PLSCR3: variants seen among roughly 807,000 people sequenced by gnomAD.
PLSCR3 encodes phospholipid scramblase 3.
PLSCR3 carries 17 observed loss-of-function variants against 33.7 expected under a neutral mutation model. The observed-to-expected ratio is 0.50, with a 90% CI of 0.35 to 0.76. The LOEUF is 0.76. Ranked by LOEUF, PLSCR3 falls within the 30% of genes least tolerant of loss-of-function variation. The probability of loss-of-function intolerance (pLI) is 0.01; values close to 1 mark genes in which losing one functional copy is unlikely to be tolerated. For synonymous variants in PLSCR3, 166 were observed against 166.0 expected (o/e 1.00, Z 0.00); for missense variants, 360 against 394.1 (o/e 0.91, Z 0.73).
chr17:7,390,675 C>T lies in PLSCR3; in HGVS notation c.790G>A (p.Val264Met). 1 of 1,614,178 alleles carries T rather than the reference C, an allele frequency of 6.2e-7. No homozygotes were observed. The highest frequency in any genetic ancestry group is 8.5e-7 in the Non-Finnish European group (1 of 1,179,996). The change falls in exon 7 of 8, where the codon GTG becomes ATG. Residue 264 changes from valine (V) to methionine (M), a missense_variant. Coordinates refer to ENST00000619711, the MANE Select transcript of PLSCR3 (RefSeq NM_020360.4). ...FGLQFPLDLD[V>M]RVKAVLLGAT... ...CCCAGCAGCACAGCCTTCACCCTCACATCCAGGTCCAGCGGGAACTGTAGG... is the reference window on the plus strand; with the variant it reads ...CCCAGCAGCACAGCCTTCACCCTCATATCCAGGTCCAGCGGGAACTGTAGG...
At chr17:7,393,558 C>G (rs1226838192) in intron 3 of PLSCR3, 43 bp downstream of exon 3, 3 of 1,613,554 alleles carry the variant, frequency 1.9e-6, no homozygotes, top group Admixed American at 1.7e-5. Flanking sequence ...TCTGGACGCC[C>G]AAGTCCCCTC....
In PLSCR3 at chr17:7,394,187, G is replaced by A. The variant is rs1905990195; in HGVS notation, c.-77C>T. 7.2e-7 allele frequency: 1 copy of A among 1,396,516 alleles called. No individual in the cohort carries two copies. Among genetic ancestry groups the A allele is most frequent in the Non-Finnish European group, 1.0e-6 (1 of 985,296 alleles). The allele number at this position is 1,396,516 out of a possible 1,614,324, so 86.5% of individuals were successfully genotyped here. On this transcript the variant is annotated 5_prime_UTR_variant, in exon 2 of 8. Transcript: ENST00000619711. This position sits in a 1 kb window ranked among gnomAD's most constrained non-coding sequence, Gnocchi z 5.3. ...GGAAGCGGAGGCAAACTCGGAGATA[G>A]CCAGACAGACACAGAGACAGACACA...
In PLSCR3 at chr17:7,393,453, C is replaced by T; in HGVS notation, c.286+14G>A. The T allele has an allele frequency of 6.2e-7, 1 of 1,614,116 alleles. No individual in the cohort carries two copies. Among genetic ancestry groups the T allele is most frequent in the African/African-American group, 1.3e-5 (1 of 75,044 alleles). ...CACCATCATGAGGTCCAACCTCCCA[C>T]TCCTTCTACTTACTTTCCACTCGCT... On this transcript the variant is annotated intron_variant, in intron 4 of 7. Coordinates refer to ENST00000619711, the MANE Select transcript of PLSCR3 (RefSeq NM_020360.4).
chr17:7,393,638 A>C lies in PLSCR3; in HGVS notation c.206T>G (p.Leu69Arg). 1 of 1,611,000 alleles carries C rather than the reference A, an allele frequency of 6.2e-7. No individual in the cohort carries two copies. Among genetic ancestry groups the C allele is most frequent in the Non-Finnish European group, 8.5e-7 (1 of 1,179,770 alleles). Reference protein sequence around the residue: ...ALGSAAPFLPLPGVPSGLEFL... With the variant: ...ALGSAAPFLPRPGVPSGLEFL... Reference sequence around the variant, plus strand: ...TTCGAGGCCAGAAGGCACCCCTGGCAGTGGCAAGAAGGGGGCAGCAGACCC... The same window carrying C: ...TTCGAGGCCAGAAGGCACCCCTGGCCGTGGCAAGAAGGGGGCAGCAGACCC... The change falls in exon 3 of 8, where the codon CTG (leucine) becomes CGG (arginine). Residue 69 changes from leucine to arginine, a missense_variant. Transcript: ENST00000619711.
At position 7,390,784 on chromosome 17, in the gene PLSCR3, C is replaced by A; in HGVS notation, c.681G>T (p.Arg227=). The A allele has an allele frequency of 6.2e-7, 1 of 1,614,050 alleles. No individual in the cohort carries two copies. ...GTDTNFEVKT[R]DESRSVGRIS... ...TGCGGCCCACACTGCGGGATTCATC[C>A]CGAGTCTTCACCTGTCATCAGGGAG... Residue 227 remains arginine (R), a synonymous_variant, in exon 7 of 8, where the codon CGG becomes CGT. Transcript: ENST00000619711.
intron 6 of PLSCR3, among the ~76,000 whole-genome samples, chr17:7,392,186 AAAAC>A (rs922197360): frequency 5.3e-5 from 8 of 152,158 alleles, no homozygotes; most frequent in African/African-American, 1.2e-4. Context: ...ACTCTGTCTC[AAAAC>A]AAACAAACAA....
At chr17:7,393,993 G>T in intron 2 of PLSCR3, 111 bp downstream of exon 2, 2 of 1,334,636 alleles carry the variant, frequency 1.5e-6, no homozygotes, top group Non-Finnish European at 1.1e-6. Flanking sequence ...CCGGAAGGAA[G>T]GGAGGGGCCC....
At chr17:7,393,012 T>G in intron 5 of PLSCR3, 60 bp from the exon 6 acceptor site, 1 of 1,552,752 alleles carries the variant, frequency 6.4e-7, no homozygotes, top group Non-Finnish European at 8.7e-7. Context: ...CTATCATCTG[T>G]CTATTTGGCC....
chr17:7,392,110 G>C (rs898668060), intron 6 of PLSCR3, among the ~76,000 whole-genome samples: 2 of 152,278 alleles, frequency 1.3e-5, no homozygotes, highest in South Asian at 2.1e-4. Flanking sequence ...GCTTGAACCC[G>C]GGAGGCAAAG....
At chr17:7,393,986 G>C in intron 2 of PLSCR3, 118 bp downstream of exon 2, 3 of 1,269,988 alleles carry the variant, frequency 2.4e-6, no homozygotes, top group East Asian at 2.3e-5. Context: ...AGGTTCCCCG[G>C]AAGGAAGGGA....
rs1905523139 is a variant in PLSCR3 at position 7,390,056 on chromosome 17, C to T, written c.*329G>A. The T allele has an allele frequency of 4.0e-6, 1 of 249,078 alleles. No individual in the cohort carries two copies. The highest frequency in any genetic ancestry group is 4.9e-5 in the Admixed American group (1 of 20,616). The allele number at this position is 249,078 out of a possible 1,614,324, so 15.4% of individuals were successfully genotyped here. A position where few individuals can be genotyped will look rare whatever the true frequency, so the allele number is the denominator to read the frequency against. Reference sequence around the variant, plus strand: ...CACACCCCAGCCCTCTTGTAAAACCCCAGAGTCCTGGGTTCCAGAGGCCTC... The same window carrying T: ...CACACCCCAGCCCTCTTGTAAAACCTCAGAGTCCTGGGTTCCAGAGGCCTC... On this transcript the variant is annotated 3_prime_UTR_variant, in exon 8 of 8. Transcript: ENST00000619711.
chr17:7,390,371 C>A lies in PLSCR3; in HGVS notation c.*14G>T, dbSNP rs1597689740. Reference sequence around the variant, plus strand: ...TCTGGTCGAGGTGATGGTCTCCTCACACCATGGTGGCCTCTAACTGGTGAC... The same window carrying A: ...TCTGGTCGAGGTGATGGTCTCCTCAAACCATGGTGGCCTCTAACTGGTGAC... On this transcript the variant is annotated 3_prime_UTR_variant, in exon 8 of 8. Coordinates refer to ENST00000619711, the MANE Select transcript of PLSCR3 (RefSeq NM_020360.4). The A allele has an allele frequency of 6.5e-7, 1 of 1,540,654 alleles. No individual in the cohort carries two copies.
Position 7,393,059 on chromosome 17 carries a change from C to T in PLSCR3, c.507+85G>A, listed in dbSNP as rs887021366. 29 of 1,503,582 alleles carry T rather than the reference C, an allele frequency of 1.9e-5. No homozygotes were observed. The South Asian group carries it at 2.7e-4, about 14-fold the overall frequency. 93.1% of individuals were successfully genotyped at this position (1,503,582 alleles called of 1,614,324 possible). Reference sequence around the variant, plus strand: ...TCCCATCCCCACCTGCCCACTCCCACCTGATCCAGGCCTCATCTCAGGTGG... The same window carrying T: ...TCCCATCCCCACCTGCCCACTCCCATCTGATCCAGGCCTCATCTCAGGTGG... On this transcript the variant is annotated intron_variant, in intron 5 of 7. Coordinates refer to ENST00000619711, the MANE Select transcript of PLSCR3 (RefSeq NM_020360.4).
Position 7,390,356 on chromosome 17 carries a change from G to A in PLSCR3, c.*29C>T. 1.3e-6 allele frequency: 2 copies of A among 1,505,432 alleles called. No individual in the cohort carries two copies. The highest frequency in any genetic ancestry group is 1.8e-6 in the Non-Finnish European group (2 of 1,112,298). The allele number at this position is 1,505,432 out of a possible 1,614,324, so 93.3% of individuals were successfully genotyped here. A position where few individuals can be genotyped will look rare whatever the true frequency, so the allele number is the denominator to read the frequency against. On this transcript the variant is annotated 3_prime_UTR_variant, in exon 8 of 8. Coordinates refer to ENST00000619711, the MANE Select transcript of PLSCR3 (RefSeq NM_020360.4). ...GTGACCATCTGGAGTTCTGGTCGAG[G>A]TGATGGTCTCCTCACACCATGGTGG...
At position 7,390,091 on chromosome 17, in the gene PLSCR3, A is replaced by G. The variant is rs1456829342; in HGVS notation, c.*294T>C. The G allele has an allele frequency of 1.3e-5, 4 of 311,242 alleles. No homozygotes were observed. The highest frequency in any genetic ancestry group is 2.4e-5 in the Non-Finnish European group (4 of 165,510). 19.3% of individuals were successfully genotyped at this position (311,242 alleles called of 1,614,324 possible). On this transcript the variant is annotated 3_prime_UTR_variant, in exon 8 of 8. Coordinates refer to ENST00000619711, the MANE Select transcript of PLSCR3 (RefSeq NM_020360.4). The stretch of plus-strand genomic sequence containing the variant: ...GGGTTCCAGAGGCCTCCTTTGGAGC[A>G]GAGGCCCTGGAAGGGGGTGGGAGAG...
At position 7,391,587 on chromosome 17, in the gene PLSCR3, C is replaced by T. The variant is rs1905701500; in HGVS notation, c.670-792G>A. Among the ~76,000 whole-genome samples the T allele has an allele frequency of 6.6e-6, 1 of 152,222 alleles. No individual in the cohort carries two copies. Among genetic ancestry groups the T allele is most frequent in the South Asian group, 2.1e-4 (1 of 4,832 alleles). ...CCCATCCCCTTCCTGCACTGTCCTACAGCTCTGGGGCACTTCCTGCCATGG... is the reference window on the plus strand; with the variant it reads ...CCCATCCCCTTCCTGCACTGTCCTATAGCTCTGGGGCACTTCCTGCCATGG... On this transcript the variant is annotated intron_variant, in intron 6 of 7. Coordinates refer to ENST00000619711, the MANE Select transcript of PLSCR3 (RefSeq NM_020360.4). This position sits in a 1 kb window ranked among gnomAD's most constrained non-coding sequence, Gnocchi z 4.1.
At position 7,391,578 on chromosome 17, in the gene PLSCR3, A is replaced by C. The variant is rs555475465; in HGVS notation, c.670-783T>G. ...TGTGCCATTCCCATCCCCTTCCTGC[A>C]CTGTCCTACAGCTCTGGGGCACTTC... On this transcript the variant is annotated intron_variant, in intron 6 of 7. Transcript: ENST00000619711. This position sits in a 1 kb window ranked among gnomAD's most constrained non-coding sequence, Gnocchi z 4.1. Among the ~76,000 whole-genome samples the C allele has an allele frequency of 1.3e-3, 204 of 152,276 alleles. No individual in the cohort carries two copies. Among genetic ancestry groups the C allele is most frequent in the African/African-American group, 4.8e-3 (198 of 41,552 alleles).
rs758334887 is a variant in PLSCR3, at chr17:7,390,643, T to C, written c.822A>G (p.Thr274=). The C allele has an allele frequency of 1.3e-5, 21 of 1,613,852 alleles. No homozygotes were observed. Among genetic ancestry groups the C allele is most frequent in the Non-Finnish European group, 1.8e-5 (21 of 1,179,888 alleles). The change falls in exon 7 of 8, where the codon ACA becomes ACG. Residue 274 remains threonine, a synonymous_variant. Transcript: ENST00000619711. ...VRVKAVLLGA[T]FLIDYMFFEK... ...GGGGCAGCCAACTCACAATGAGGAATGTGGCTCCCAGCAGCACAGCCTTCA... is the reference window on the plus strand; with the variant it reads ...GGGGCAGCCAACTCACAATGAGGAACGTGGCTCCCAGCAGCACAGCCTTCA...
chr17:7,392,999 G>A, intron 5 of PLSCR3, 47 bp from the exon 6 acceptor site: 2 of 1,570,396 alleles, frequency 1.3e-6, no homozygotes, highest in South Asian at 1.2e-5. Context: ...AGGGGTCCCA[G>A]CTCTATCATC....
Sources: allele counts gnomAD v4.1 joint callset (sites outside exome capture counted in the v4.1 genomes callset), GRCh38; gene constraint gnomAD v4.1.1; non-coding constraint Gnocchi (gnomAD v3.1); transcripts MANE v1.5; gene names NCBI Gene and HGNC (gene_info 2026-07-23, HGNC 2026-07-21).